Variants in TULP4 observed in about 807,000 individuals in gnomAD.
TULP4 encodes TUB like protein 4, also known as tubby-related protein 4.
Under a neutral mutation model 129.0 loss-of-function variants are expected in TULP4, and 16 were observed. The observed-to-expected ratio is 0.12, with a 90% CI of 0.08 to 0.19. The LOEUF is 0.19. Ranked by LOEUF, TULP4 falls within the 10% of genes least tolerant of loss-of-function variation. The probability of loss-of-function intolerance (pLI) is 1.00; values close to 1 mark genes in which losing one functional copy is unlikely to be tolerated. For missense variants in TULP4, 1,842 were observed against 2,059.1 expected (o/e 0.89, Z 2.04); for synonymous variants, 998 against 854.0 (o/e 1.17, Z -2.94).
intron 1 of TULP4, among the ~76,000 whole-genome samples, chr6:158,294,224 C>CACCTGTAGTG (rs1457744359): frequency 6.6e-6 from 1 of 151,834 alleles, no homozygotes; most frequent in Non-Finnish European, 1.5e-5. Context: ...ATTAGCTGGG[C>CACCTGTAGTG]GTGGTGGTGG....
At position 158,265,022 on chromosome 6, in the gene TULP4, T is replaced by C. The variant is rs150039971; in HGVS notation, n.68+32719T>C. 3.1e-3 allele frequency among the ~76,000 whole-genome samples: 479 copies of C among 152,372 alleles called. 3 individuals carry two copies. Among genetic ancestry groups the C allele is most frequent in the Non-Finnish European group, 5.0e-3 (343 of 68,036 alleles). On this transcript the variant is annotated intron_variant and non_coding_transcript_variant, in intron 1 of 1. Coordinates refer to the TULP4 transcript ENST00000620026. Reference sequence around the variant, plus strand: ...CAACACAGAGCAGTCAAGTTACTACTGTGCATTTAACAGGGCACACCTTTT... The same window carrying C: ...CAACACAGAGCAGTCAAGTTACTACCGTGCATTTAACAGGGCACACCTTTT...
rs778148189 is a variant in TULP4, at chr6:158,489,619, T to G, written c.1518T>G (p.Thr506=). 1.2e-6 allele frequency: 2 copies of G among 1,614,252 alleles called. No homozygotes were observed. Among genetic ancestry groups the G allele is most frequent in the African/African-American group, 1.3e-5 (1 of 75,072 alleles). ...TCTATGGGAACAGCTTGATTTCTAC[T>G]GTGATCGACAGCTGCAACTGCTCAG... ...DEIYGNSLIS[T]VIDSCNCSDS... is the part of the protein sequence containing the mutation. The change falls in exon 9 of 14, where the codon ACT becomes ACG. Residue 506 remains threonine, a synonymous_variant. Coordinates refer to ENST00000367097, the MANE Select transcript of TULP4 (RefSeq NM_020245.5).
chr6:158,403,041 G>T (rs1385325565), intron 1 of TULP4, among the ~76,000 whole-genome samples: 2 of 152,194 alleles, frequency 1.3e-5, no homozygotes, highest in African/African-American at 4.8e-5. Context: ...AACAGTAAAA[G>T]TGATACTGGA....
rs369052981 is a variant in TULP4 at position 158,502,660 on chromosome 6, C to G, written c.2997C>G (p.Ala999=). ...RNNREATLKM[A]QLADSPRAPL... is the part of the protein sequence containing the mutation. ...ACCGTGAGGCTACGCTCAAGATGGC[C>G]CAGCTGGCCGACAGCCCGCGGGCCC... The change falls in exon 13 of 14, where the codon GCC becomes GCG. Residue 999 remains alanine (A), a synonymous_variant. Transcript: ENST00000367097. 1 of 1,567,888 alleles carries G rather than the reference C, an allele frequency of 6.4e-7. No homozygotes were observed. The highest frequency in any genetic ancestry group is 8.6e-7 in the Non-Finnish European group (1 of 1,160,958).
chr6:158,454,608 C>CT (rs374123610), intron 5 of TULP4, among the ~76,000 whole-genome samples: 29,859 of 143,166 alleles, frequency 0.21, 3,326 homozygotes, highest in Middle Eastern at 0.27. Context: ...ACAGTTCTCT[C>CT]TTTTTTTTTT....
At chr6:158,294,705 C>T (rs1378104986) in intron 1 of TULP4, among the ~76,000 whole-genome samples, 5 of 152,024 alleles carry the variant, frequency 3.3e-5, no homozygotes, top group Non-Finnish European at 4.4e-5. Flanking sequence ...CTTCCTCTTC[C>T]TTCTTCCTCT....
intron 1 of TULP4, among the ~76,000 whole-genome samples, chr6:158,269,691 A>G (rs569607746): frequency 6.6e-6 from 1 of 152,382 alleles, no homozygotes; most frequent in South Asian, 2.1e-4. Flanking sequence ...CTTAATGGGT[A>G]GAATATAAAT....
chr6:158,473,632 C>A (rs1423733922), intron 6 of TULP4, among the ~76,000 whole-genome samples: 1 of 152,178 alleles, frequency 6.6e-6, no homozygotes, highest in Non-Finnish European at 1.5e-5. Context: ...GATTCTCCTG[C>A]CTCAGCCTCC....
intron 1 of TULP4, among the ~76,000 whole-genome samples, chr6:158,243,523 G>A (rs1777966581): frequency 6.6e-6 from 1 of 151,330 alleles, no homozygotes; most frequent in East Asian, 1.9e-4. Context: ...ATGGTTTAAA[G>A]TCTCTTTTAA....
chr6:158,358,199 G>A (rs751036535), intron 1 of TULP4, among the ~76,000 whole-genome samples: 1 of 152,234 alleles, frequency 6.6e-6, no homozygotes, highest in Non-Finnish European at 1.5e-5. Flanking sequence ...GGTGCAAGTG[G>A]AAGGAGGGAG....
intron 6 of TULP4, among the ~76,000 whole-genome samples, chr6:158,462,071 A>G (rs1034159260): frequency 6.6e-6 from 1 of 152,304 alleles, no homozygotes; most frequent in African/African-American, 2.4e-5. Flanking sequence ...AGTTCTTAGC[A>G]GGACTCCCCA....
chr6:158,292,561 T>C (rs1778963089), intron 1 of TULP4, among the ~76,000 whole-genome samples: 1 of 152,234 alleles, frequency 6.6e-6, no homozygotes, highest in African/African-American at 2.4e-5. Flanking sequence ...GTGTAACATG[T>C]AATTTTACTT....
chr6:158,471,640 A>T (rs888737042), intron 6 of TULP4, among the ~76,000 whole-genome samples: 6 of 152,234 alleles, frequency 3.9e-5, no homozygotes, highest in African/African-American at 1.4e-4. Context: ...AACAGAGTTA[A>T]GGCCATATGT....
intron 1 of TULP4, among the ~76,000 whole-genome samples, chr6:158,382,178 G>A (rs868500329): frequency 6.6e-6 from 1 of 152,156 alleles, no homozygotes; most frequent in Non-Finnish European, 1.5e-5. Context: ...AAAACCTTAA[G>A]AAACAGATTT....
At chr6:158,361,782 A>G (rs771580242) in intron 1 of TULP4, among the ~76,000 whole-genome samples, 9 of 152,116 alleles carry the variant, frequency 5.9e-5, no homozygotes, top group African/African-American at 1.9e-4. Context: ...CTGGCTGTCT[A>G]TTTTTACTTC....
At chr6:158,418,544 G>A (rs918021175) in intron 2 of TULP4, among the ~76,000 whole-genome samples, 2 of 152,072 alleles carry the variant, frequency 1.3e-5, no homozygotes, top group Admixed American at 1.3e-4. Context: ...GAGTCAAGAG[G>A]ATCTCTTGTG....
intron 1 of TULP4, among the ~76,000 whole-genome samples, chr6:158,289,033 G>A (rs568104788): frequency 2.0e-5 from 3 of 152,232 alleles, no homozygotes; most frequent in South Asian, 2.1e-4. Context: ...GGTAGAACTC[G>A]TTTGTAAACT....
At chr6:158,291,022 T>C (rs1191093343) in intron 1 of TULP4, among the ~76,000 whole-genome samples, 3 of 152,264 alleles carry the variant, frequency 2.0e-5, no homozygotes, top group Non-Finnish European at 4.4e-5. Context: ...ATGAGAAATA[T>C]AGTACCTATA....
At chr6:158,327,978 G>A (rs1341401703) in intron 1 of TULP4, among the ~76,000 whole-genome samples, 2 of 152,064 alleles carry the variant, frequency 1.3e-5, no homozygotes, top group Non-Finnish European at 1.5e-5. Flanking sequence ...CCAAAGGTCA[G>A]CATCCAAGCA....
Sources: gnomAD v4.1 joint callset for allele counts (sites outside exome capture counted in the v4.1 genomes callset) on GRCh38, gnomAD v4.1.1 for gene constraint, MANE v1.5 for transcripts, NCBI Gene and HGNC (gene_info 2026-07-23, HGNC 2026-07-21) for gene names.